Variants in BBX observed in about 807,000 individuals in gnomAD.
BBX encodes the protein BBX high mobility group box domain containing.
In BBX, 30 loss-of-function variants were observed where a neutral mutation model predicts 100.2. The ratio of observed to expected loss-of-function variants is 0.30; its 90% CI spans 0.22 to 0.41. The LOEUF is 0.41. Among genes scored for constraint, BBX ranks in the 10% least tolerant of loss-of-function variants. BBX has a pLI of 1.00. For synonymous variants in BBX, 376 were observed against 388.1 expected (o/e 0.97, Z 0.37); for missense variants, 1,023 against 1,129.8 (o/e 0.91, Z 1.35).
intron 12 of BBX, among the ~76,000 whole-genome samples, chr3:107,776,609 C>CT (rs568317738): frequency 1.8e-3 from 275 of 152,100 alleles, no homozygotes; most frequent in Non-Finnish European, 3.3e-3. Context: ...CATTTTAAAC[C>CT]TTTTTTTATC....
At chr3:107,666,002 C>G (rs1369502715) in intron 3 of BBX, among the ~76,000 whole-genome samples, 1 of 152,166 alleles carries the variant, frequency 6.6e-6, no homozygotes, top group Admixed American at 6.5e-5. Context: ...TTCATGTAGT[C>G]TTTCCATTAA....
chr3:107,802,083 T>C (rs1389407842), intron 17 of BBX, among the ~76,000 whole-genome samples: 2 of 152,190 alleles, frequency 1.3e-5, no homozygotes, highest in Non-Finnish European at 2.9e-5. Context: ...AATGGATCCT[T>C]TGGGAAGGCA....
At chr3:107,770,183 A>G (rs1232982470) in intron 10 of BBX, among the ~76,000 whole-genome samples, 1 of 152,178 alleles carries the variant, frequency 6.6e-6, no homozygotes, top group Non-Finnish European at 1.5e-5. Context: ...GGGTGATGAG[A>G]GAATCATTTT....
intron 2 of BBX, among the ~76,000 whole-genome samples, chr3:107,600,165 A>G (rs1398943630): frequency 6.6e-6 from 1 of 152,224 alleles, no homozygotes; most frequent in African/African-American, 2.4e-5. Flanking sequence ...TTGAACACAC[A>G]TGCATGTATA....
chr3:107,605,386 T>TGGGG (rs1553742657), intron 2 of BBX, among the ~76,000 whole-genome samples: 2 of 149,208 alleles, frequency 1.3e-5, no homozygotes, highest in African/African-American at 4.9e-5. Flanking sequence ...TTTTTTTTTT[T>TGGGG]GGGGGGGGGA....
At chr3:107,802,955 T>G (rs2070682093) in intron 17 of BBX, among the ~76,000 whole-genome samples, 1 of 152,210 alleles carries the variant, frequency 6.6e-6, no homozygotes, top group Admixed American at 6.5e-5. Context: ...TGCTCCTGCA[T>G]GCTATGCTCA....
At chr3:107,763,727 C>T (rs1304091988) in intron 10 of BBX, among the ~76,000 whole-genome samples, 1 of 152,156 alleles carries the variant, frequency 6.6e-6, no homozygotes, top group Admixed American at 6.5e-5. Flanking sequence ...CTAACATGCA[C>T]ATCCTTAGGA....
chr3:107,787,404 A>G (rs147881078), intron 13 of BBX, among the ~76,000 whole-genome samples: 30 of 152,198 alleles, frequency 2.0e-4, no homozygotes, highest in African/African-American at 7.2e-4. Flanking sequence ...CAAAAATCAC[A>G]TTATATGATA....
At chr3:107,542,432 T>C (rs2048925477) in intron 2 of BBX, among the ~76,000 whole-genome samples, 1 of 152,226 alleles carries the variant, frequency 6.6e-6, no homozygotes, top group Admixed American at 6.5e-5. Flanking sequence ...AGAATTGTAA[T>C]TTGAAAGAAC....
chr3:107,747,810 C>A (rs2064749541), intron 8 of BBX, among the ~76,000 whole-genome samples, 155 bp from the exon 9 acceptor site: 2 of 152,036 alleles, frequency 1.3e-5, no homozygotes. Context: ...CCTTTGTCTT[C>A]CCTTATCATT....
rs1002595068 is a variant in BBX at position 107,805,614 on chromosome 3, C to T, written c.*157C>T. On this transcript the variant is annotated 3_prime_UTR_variant, in exon 18 of 18. Coordinates refer to ENST00000325805, the MANE Select transcript of BBX (RefSeq NM_001142568.3). ...ATTCACTTGAAGCAGAAGTTAGCATCCTGGGCCAGTTTGTTCTCTCAGAAC... is the reference window on the plus strand; with the variant it reads ...ATTCACTTGAAGCAGAAGTTAGCATTCTGGGCCAGTTTGTTCTCTCAGAAC... 3.6e-6 allele frequency: 5 copies of T among 1,402,628 alleles called. No individual in the cohort carries two copies. Among genetic ancestry groups the T allele is most frequent in the South Asian group, 2.7e-5 (2 of 73,126 alleles). The allele number at this position is 1,402,628 out of a possible 1,614,324, so 86.9% of individuals were successfully genotyped here. A position where few individuals can be genotyped will look rare whatever the true frequency, so the allele number is the denominator to read the frequency against.
At chr3:107,733,344 C>G (rs553418330) in intron 7 of BBX, among the ~76,000 whole-genome samples, 1 of 152,172 alleles carries the variant, frequency 6.6e-6, no homozygotes, top group African/African-American at 2.4e-5. Context: ...TTCATTTATT[C>G]GAAACATTCT....
At position 107,774,778 on chromosome 3, in the gene BBX, A is replaced by T. The variant is rs761497109; in HGVS notation, c.1975A>T (p.Ser659Cys). 1.2e-6 allele frequency: 2 copies of T among 1,613,684 alleles called. No individual in the cohort carries two copies. Among genetic ancestry groups the T allele is most frequent in the Non-Finnish European group, 1.7e-6 (2 of 1,179,680 alleles). ...SDHEGCWNEE[S>C]WTFSQSGTSG... is the part of the protein sequence containing the mutation. ...TCATGAAGGGTGTTGGAATGAAGAAAGCTGGACATTTAGTCAGAGTGGGAC... is the reference window on the plus strand; with the variant it reads ...TCATGAAGGGTGTTGGAATGAAGAATGCTGGACATTTAGTCAGAGTGGGAC... Residue 659 changes from serine to cysteine, a missense_variant, in exon 12 of 18, where the codon AGC becomes TGC. Coordinates refer to ENST00000325805, the MANE Select transcript of BBX (RefSeq NM_001142568.3).
intron 2 of BBX, among the ~76,000 whole-genome samples, chr3:107,562,676 G>T (rs2050593045): frequency 6.6e-6 from 1 of 151,494 alleles, no homozygotes. Context: ...TTACAAAACT[G>T]TTTTTTTTAC....
chr3:107,681,504 A>AG (rs2059572848), intron 3 of BBX, among the ~76,000 whole-genome samples: 1 of 152,084 alleles, frequency 6.6e-6, no homozygotes, highest in African/African-American at 2.4e-5. Context: ...GAGTGGGTGT[A>AG]GGGGTCAAAG....
chr3:107,763,072 C>G (rs2107716014), intron 10 of BBX, among the ~76,000 whole-genome samples: 1 of 152,256 alleles, frequency 6.6e-6, no homozygotes, highest in Admixed American at 6.5e-5. Context: ...GACTTGGGTC[C>G]TATCCCTAAG....
intron 3 of BBX, among the ~76,000 whole-genome samples, chr3:107,680,883 ACT>A (rs544662110): frequency 8.1e-4 from 124 of 152,296 alleles, no homozygotes; most frequent in Non-Finnish European, 1.5e-3. Context: ...TTTAGAAATG[ACT>A]CATCAGCTTT....
intron 3 of BBX, among the ~76,000 whole-genome samples, chr3:107,654,757 A>G (rs1248282119): frequency 1.3e-5 from 2 of 152,200 alleles, no homozygotes; most frequent in Non-Finnish European, 1.5e-5. Flanking sequence ...GGAGTCAGAT[A>G]GACTCAAGAC....
intron 2 of BBX, among the ~76,000 whole-genome samples, chr3:107,624,097 A>G (rs938817803): frequency 5.3e-5 from 8 of 152,216 alleles, no homozygotes; most frequent in African/African-American, 1.7e-4. Context: ...CCAGGGTTCA[A>G]TCATGTCTCT....
Sources: gnomAD v4.1 joint callset for allele counts (sites outside exome capture counted in the v4.1 genomes callset) on GRCh38, gnomAD v4.1.1 for gene constraint, MANE v1.5 for transcripts, NCBI Gene and HGNC (gene_info 2026-07-23, HGNC 2026-07-21) for gene names.